Variants in SMARCB1 observed in about 807,000 individuals in gnomAD.
SMARCB1 encodes SWI/SNF related BAF chromatin remodeling complex subunit B1, also known as SWI/SNF-related matrix-associated actin-dependent regulator of chromatin subfamily B member 1.
In SMARCB1, 5 loss-of-function variants were observed where a neutral mutation model predicts 49.0. The ratio of observed to expected loss-of-function variants is 0.10; its 90% CI spans 0.05 to 0.21. SMARCB1 has a LOEUF of 0.21. SMARCB1 is among the 10% of genes least tolerant of loss of function. SMARCB1 has a pLI of 1.00. For synonymous variants in SMARCB1, 201 were observed against 200.1 expected (o/e 1.00, Z -0.04); for missense variants, 226 against 509.2 (o/e 0.44, Z 5.35).
chr22:23,827,085 C>T (rs2030422131), intron 7 of SMARCB1, among the ~76,000 whole-genome samples: 1 of 152,234 alleles, frequency 6.6e-6, no homozygotes, highest in African/African-American at 2.4e-5. Context: ...AGAGTTGACT[C>T]TGAGGCCCCG....
At chr22:23,796,800 G>A (rs1017495029) in intron 3 of SMARCB1, among the ~76,000 whole-genome samples, 3 of 152,256 alleles carry the variant, frequency 2.0e-5, no homozygotes, top group African/African-American at 4.8e-5. Context: ...GTGGAATCCC[G>A]TTGCCCTGGA....
Position 23,787,176 on chromosome 22 carries a change from A to T in SMARCB1, c.7A>T (p.Met3Leu), listed in dbSNP as rs2145951892. 6.2e-7 allele frequency: 1 copy of T among 1,606,534 alleles called. No homozygotes were observed. The highest frequency in any genetic ancestry group is 2.3e-5 in the East Asian group (1 of 44,400). The change falls in exon 1 of 9, where the codon ATG becomes TTG. Residue 3 changes from methionine to leucine, a missense_variant. Coordinates refer to ENST00000644036, the MANE Select transcript of SMARCB1 (RefSeq NM_003073.5). MM[M>L]MALSKTFGQK... ...GCCCGCCTCTGCCGCCGCAATGATG[A>T]TGATGGCGCTGAGCAAGACCTTCGG...
Position 23,836,326 on chromosome 22 carries a change from G to A in SMARCB1, c.*2146G>A, listed in dbSNP as rs1282304484. 44 of 985,424 alleles carry A rather than the reference G, an allele frequency of 4.5e-5. No homozygotes were observed. Among genetic ancestry groups the A allele is most frequent in the Non-Finnish European group, 5.2e-5 (43 of 829,992 alleles). 61.0% of individuals were successfully genotyped at this position (985,424 alleles called of 1,614,324 possible). On this transcript the variant is annotated 3_prime_UTR_variant, in exon 9 of 9. Transcript: ENST00000644036. ...TGTCAGGGTGGCTGATGAGAGACAG[G>A]AGAGGCTAGATTGGCATCAGCCTGA... is the stretch of plus-strand genomic sequence containing the variant.
At chr22:23,819,776 A>G (rs1036976487) in intron 6 of SMARCB1, among the ~76,000 whole-genome samples, 1 of 147,622 alleles carries the variant, frequency 6.8e-6, no homozygotes, top group African/African-American at 2.5e-5. Context: ...CCTACCAGCA[A>G]GGCGCAGGGG....
chr22:23,796,936 T>C (rs1380072189), intron 3 of SMARCB1, among the ~76,000 whole-genome samples: 1 of 152,024 alleles, frequency 6.6e-6, no homozygotes, highest in Non-Finnish European at 1.5e-5. Flanking sequence ...TCGGACAATT[T>C]GAGCAGAGGC....
At chr22:23,793,081 G>C (rs982732156) in intron 2 of SMARCB1, 2 of 251,532 alleles carry the variant, frequency 8.0e-6, no homozygotes, top group Non-Finnish European at 1.6e-5. Flanking sequence ...CCAACTCTCT[G>C]GGCTCTTGTT....
At position 23,834,985 on chromosome 22, in the gene SMARCB1, T is replaced by C. The variant is rs953573825; in HGVS notation, c.*805T>C. On this transcript the variant is annotated 3_prime_UTR_variant, in exon 9 of 9. Transcript: ENST00000644036. ...ACTGCTGGGCTGTCGCCAGCCTGGG[T>C]GCAGGAGGGCTGTTCTAGCTCCAGT... The C allele has an allele frequency of 5.9e-6, 9 of 1,517,714 alleles. No homozygotes were observed. The Admixed American group carries it at 1.9e-4, about 32-fold the overall frequency. The allele number at this position is 1,517,714 out of a possible 1,614,324, so 94.0% of individuals were successfully genotyped here. A position where few individuals can be genotyped will look rare whatever the true frequency, so the allele number is the denominator to read the frequency against.
At chr22:23,803,219 CAG>C (rs940918966) in intron 4 of SMARCB1, 74 bp from the exon 5 acceptor site, 16 of 1,592,532 alleles carry the variant, frequency 1.0e-5, no homozygotes, top group Non-Finnish European at 1.2e-5. Context: ...GCCTGCTGTG[CAG>C]AGAGAGAGGC....
chr22:23,832,485 T>C (rs17003991), intron 7 of SMARCB1, among the ~76,000 whole-genome samples: 15,905 of 152,048 alleles, frequency 0.1, 2,545 homozygotes, highest in African/African-American at 0.35. Context: ...CCCAGGGGAC[T>C]GAGCCTAGGG....
chr22:23,797,155 C>T (rs5751734), intron 3 of SMARCB1, among the ~76,000 whole-genome samples: 57,512 of 147,156 alleles, frequency 0.39, 13,150 homozygotes, highest in Admixed American at 0.51. Flanking sequence ...CCCGCCACCT[C>T]GCCCGGCTAA....
intron 6 of SMARCB1, chr22:23,817,193 G>A: frequency 1.8e-6 from 1 of 570,814 alleles, no homozygotes; most frequent in Non-Finnish European, 3.1e-6. Flanking sequence ...GCAAAGCCCG[G>A]AGGTCTAGAG....
Position 23,803,289 on chromosome 22 carries a change from T to A in SMARCB1, c.501-6T>A. On this transcript the variant is annotated splice_region_variant and splice_polypyrimidine_tract_variant and intron_variant, in intron 4 of 8. Coordinates refer to ENST00000644036, the MANE Select transcript of SMARCB1 (RefSeq NM_003073.5). ...TCGCTGACTGTTGCTTCCATTTCAC[T>A]TTCAGCTTTGATGACCATGACCCAG... 1 of 1,614,142 alleles carries A rather than the reference T, an allele frequency of 6.2e-7. No homozygotes were observed. Among genetic ancestry groups the A allele is most frequent in the Non-Finnish European group, 8.5e-7 (1 of 1,180,024 alleles).
Position 23,834,768 on chromosome 22 carries a change from A to G in SMARCB1, c.*588A>G, listed in dbSNP as rs566983949. The G allele has an allele frequency of 2.1e-6, 3 of 1,425,906 alleles. No homozygotes were observed. The highest frequency in any genetic ancestry group is 5.5e-5 in the African/African-American group (2 of 36,066). 88.3% of individuals were successfully genotyped at this position (1,425,906 alleles called of 1,614,324 possible). ...GCTGAGAAGAGTAGCTGTGAGGCTC[A>G]GGGCAAGAGGCTCTCTGCCTTTCAG... On this transcript the variant is annotated 3_prime_UTR_variant, in exon 9 of 9. Coordinates refer to ENST00000644036, the MANE Select transcript of SMARCB1 (RefSeq NM_003073.5).
rs376715644 is a variant in SMARCB1, at chr22:23,834,127, C to G, written c.1119-14C>G. On this transcript the variant is annotated splice_polypyrimidine_tract_variant and intron_variant, in intron 8 of 8. Transcript: ENST00000644036. Reference sequence around the variant, plus strand: ...GCTGGCCCCGACTCATTGCCCTCCCCACTCCTCTTCCAGGCGGATGAGGCG... The same window carrying G: ...GCTGGCCCCGACTCATTGCCCTCCCGACTCCTCTTCCAGGCGGATGAGGCG... 1 of 1,582,150 alleles carries G rather than the reference C, an allele frequency of 6.3e-7. No homozygotes were observed. Among genetic ancestry groups the G allele is most frequent in the Non-Finnish European group, 8.6e-7 (1 of 1,164,392 alleles).
At chr22:23,793,838 G>T in intron 3 of SMARCB1, 150 bp downstream of exon 3, 1 of 824,856 alleles carries the variant, frequency 1.2e-6, no homozygotes. Flanking sequence ...CTGGAGTGCA[G>T]TGGCACGATC....
At chr22:23,792,364 A>T (rs749355451) in intron 2 of SMARCB1, 3 of 314,286 alleles carry the variant, frequency 9.5e-6, no homozygotes, top group Non-Finnish European at 1.9e-5. Flanking sequence ...GCCCATGTGC[A>T]TGTCCCTGCT....
At chr22:23,792,917 A>G in intron 2 of SMARCB1, 1 of 168,370 alleles carries the variant, frequency 5.9e-6, no homozygotes, top group Non-Finnish European at 1.3e-5. Context: ...TTTCTCCAGG[A>G]GAAGCCAGAC....
intron 7 of SMARCB1, among the ~76,000 whole-genome samples, 189 bp from the exon 8 acceptor site, chr22:23,833,383 G>A (rs189754054): frequency 6.6e-5 from 10 of 152,302 alleles, no homozygotes; most frequent in Non-Finnish European, 1.0e-4. Flanking sequence ...GGGTCATGGC[G>A]ACAACACTTG....
chr22:23,798,761 C>T (rs915128187), intron 3 of SMARCB1, among the ~76,000 whole-genome samples: 2 of 152,042 alleles, frequency 1.3e-5, no homozygotes, highest in African/African-American at 4.8e-5. Context: ...AACTGTCAAA[C>T]GTTTGTCGGC....
Sources: allele counts gnomAD v4.1 joint callset (sites outside exome capture counted in the v4.1 genomes callset), GRCh38; gene constraint gnomAD v4.1.1; transcripts MANE v1.5; gene names NCBI Gene and HGNC (gene_info 2026-07-23, HGNC 2026-07-21).